Variants in SCNN1B observed in about 807,000 individuals in gnomAD.
The protein encoded by SCNN1B is sodium channel epithelial 1 subunit beta.
SCNN1B carries 46 observed loss-of-function variants against 65.3 expected under a neutral mutation model. The observed-to-expected ratio is 0.70, with a 90% CI of 0.56 to 0.90. SCNN1B has a LOEUF of 0.90. Ranked by LOEUF, SCNN1B falls within the 40% of genes least tolerant of loss-of-function variation. The probability of loss-of-function intolerance (pLI) is 0.00; values close to 1 mark genes in which losing one functional copy is unlikely to be tolerated. For synonymous variants in SCNN1B, 349 were observed against 330.6 expected (o/e 1.06, Z -0.60); for missense variants, 751 against 830.5 (o/e 0.90, Z 1.18).
intron 1 of SCNN1B, among the ~76,000 whole-genome samples, chr16:23,338,810 A>G (rs1393789650): frequency 6.6e-6 from 1 of 152,184 alleles, no homozygotes; most frequent in Non-Finnish European, 1.5e-5. Flanking sequence ...TCCACGTTTT[A>G]AAAAAATGTG....
At chr16:23,376,784 AAG>A (rs1251451268) in intron 8 of SCNN1B, among the ~76,000 whole-genome samples, 1 of 151,972 alleles carries the variant, frequency 6.6e-6, no homozygotes, top group Non-Finnish European at 1.5e-5. Context: ...AAAAAAGTAA[AAG>A]AGAGAGAGAA....
At chr16:23,340,971 C>A (rs1180362015) in intron 1 of SCNN1B, among the ~76,000 whole-genome samples, 5 of 151,862 alleles carry the variant, frequency 3.3e-5, no homozygotes, top group East Asian at 3.9e-4. Context: ...TGTTTTAGTT[C>A]TTTTGCTTTT....
chr16:23,324,619 T>C (rs1393741899), intron 1 of SCNN1B, among the ~76,000 whole-genome samples: 2 of 152,210 alleles, frequency 1.3e-5, no homozygotes, highest in African/African-American at 4.8e-5. Context: ...CTTATTTTTC[T>C]GACTCTATTC....
intron 4 of SCNN1B, among the ~76,000 whole-genome samples, chr16:23,359,720 T>A (rs1353740064): frequency 6.6e-6 from 1 of 152,182 alleles, no homozygotes; most frequent in Non-Finnish European, 1.5e-5. Context: ...CCAAACTGCC[T>A]GGACTTGAAT....
upstream of SCNN1B, among the ~76,000 whole-genome samples, chr16:23,301,546 G>A (rs981504902): frequency 1.3e-5 from 2 of 152,178 alleles, no homozygotes; most frequent in Non-Finnish European, 2.9e-5. Flanking sequence ...AGGAAACTAA[G>A]TGTTAAGGAT....
intron 1 of SCNN1B, among the ~76,000 whole-genome samples, chr16:23,310,626 A>G (rs1404139272): frequency 1.3e-5 from 2 of 152,220 alleles, no homozygotes; most frequent in Non-Finnish European, 2.9e-5. Flanking sequence ...ACAGAAAGCT[A>G]TGATTGCACC....
intron 5 of SCNN1B, among the ~76,000 whole-genome samples, chr16:23,370,816 A>G (rs547885051): frequency 2.0e-5 from 3 of 152,228 alleles, no homozygotes; most frequent in Admixed American, 6.5e-5. Flanking sequence ...ACAGCATTCC[A>G]GGTGAGAGAA....
rs1567290281 is a variant in SCNN1B at position 23,305,551 on chromosome 16, TATATATATATATATATATATATATATTA to T, written c.-9+3115_-9+3142del. Among the ~76,000 whole-genome samples, 5 of 52,820 alleles carry T rather than the reference TATATATATATATATATATATATATATTA, an allele frequency of 9.5e-5. 1 individual carries two copies. The highest frequency in any genetic ancestry group is 2.7e-4 in the African/African-American group (4 of 14,864). 34.7% of individuals were successfully genotyped at this position (52,820 alleles called of 152,430 possible). A position where few individuals can be genotyped will look rare whatever the true frequency, so the allele number is the denominator to read the frequency against. ...TATATATATTATATATATATATATA[TATATATATATATATATATATATATATTA>T]TATATATATATATATATATAACCTG... On this transcript the variant is annotated intron_variant, in intron 1 of 12. Coordinates refer to ENST00000343070, the MANE Select transcript of SCNN1B (RefSeq NM_000336.3).
intron 10 of SCNN1B, 130 bp from the exon 11 acceptor site, chr16:23,378,576 T>C (rs1338014817): frequency 3.7e-6 from 3 of 809,648 alleles, no homozygotes; most frequent in Non-Finnish European, 6.4e-6. Flanking sequence ...CTGCTCCTCA[T>C]CCAAATTGTG....
intron 1 of SCNN1B, among the ~76,000 whole-genome samples, chr16:23,331,526 G>T (rs1196561411): frequency 6.6e-6 from 1 of 151,726 alleles, no homozygotes; most frequent in African/African-American, 2.4e-5. Flanking sequence ...CGCCATGTTG[G>T]CCAGGCTGGT....
intron 1 of SCNN1B, among the ~76,000 whole-genome samples, chr16:23,279,005 A>T (rs1960745333): frequency 6.6e-6 from 1 of 151,886 alleles, no homozygotes; most frequent in Non-Finnish European, 1.5e-5. Flanking sequence ...TTAATAAAAA[A>T]AAAGGGGAGG....
chr16:23,317,650 TC>T (rs1961500669), intron 1 of SCNN1B, among the ~76,000 whole-genome samples: 1 of 152,154 alleles, frequency 6.6e-6, no homozygotes, highest in Non-Finnish European at 1.5e-5. Flanking sequence ...CCCAAAGGGT[TC>T]CCCAGAGCGG....
Position 23,282,090 on chromosome 16 carries a change from A to T in SCNN1B, n.111-1647A>T, listed in dbSNP as rs190660223. On this transcript the variant is annotated intron_variant and non_coding_transcript_variant, in intron 1 of 3. Coordinates refer to the SCNN1B transcript ENST00000569789. Reference sequence around the variant, plus strand: ...CAAAAGGTGGGAGGGTGGGAAAGGGATGAAGGATGGAACACTGCCTATTAG... The same window carrying T: ...CAAAAGGTGGGAGGGTGGGAAAGGGTTGAAGGATGGAACACTGCCTATTAG... Among the ~76,000 whole-genome samples the T allele has an allele frequency of 1.4e-3, 214 of 152,216 alleles. 1 individual carries two copies. Among genetic ancestry groups the T allele is most frequent in the African/African-American group, 5.0e-3 (206 of 41,544 alleles).
At chr16:23,304,817 C>T (rs908675422) in intron 1 of SCNN1B, among the ~76,000 whole-genome samples, 3 of 152,140 alleles carry the variant, frequency 2.0e-5, no homozygotes, top group South Asian at 2.1e-4. Context: ...AATTCCCTTC[C>T]CCTCCCTGAG....
At chr16:23,362,156 C>T (rs1476960186) in intron 4 of SCNN1B, among the ~76,000 whole-genome samples, 6 of 151,874 alleles carry the variant, frequency 4.0e-5, no homozygotes, top group Non-Finnish European at 8.8e-5. Flanking sequence ...ACCGGTCTGG[C>T]CAACATGGCA....
intron 1 of SCNN1B, among the ~76,000 whole-genome samples, chr16:23,310,504 G>T (rs149277511): frequency 6.6e-6 from 1 of 152,294 alleles, no homozygotes; most frequent in East Asian, 1.9e-4. Context: ...GGGCAATATA[G>T]TGAGACCCCA....
chr16:23,331,428 G>A (rs1318864076), intron 1 of SCNN1B, among the ~76,000 whole-genome samples: 6 of 151,480 alleles, frequency 4.0e-5, no homozygotes, highest in Non-Finnish European at 8.8e-5. Flanking sequence ...GGGTTCAAGT[G>A]ATTCTCCTGC....
At chr16:23,362,343 AT>A (rs1310546632) in intron 4 of SCNN1B, among the ~76,000 whole-genome samples, 9 of 151,028 alleles carry the variant, frequency 6.0e-5, no homozygotes, top group African/African-American at 2.2e-4. Context: ...AAAAAAAAAA[AT>A]AAAGTTAAAT....
At position 23,380,845 on chromosome 16, in the gene SCNN1B, C is replaced by T; in HGVS notation, c.*44C>T. ...CGGGCGGCTGAAACTCACTGAGCAG[C>T]CAAGACTGTTGCCCGAGGCCTCACT... On this transcript the variant is annotated 3_prime_UTR_variant, in exon 13 of 13. Transcript: ENST00000343070. This position sits in a 1 kb window ranked among gnomAD's most constrained non-coding sequence, Gnocchi z 5.4. 1 of 1,608,056 alleles carries T rather than the reference C, an allele frequency of 6.2e-7. No individual in the cohort carries two copies. Among genetic ancestry groups the T allele is most frequent in the Non-Finnish European group, 8.5e-7 (1 of 1,177,106 alleles).
Sources: gnomAD v4.1 joint callset for allele counts (sites outside exome capture counted in the v4.1 genomes callset) on GRCh38, gnomAD v4.1.1 for gene constraint, Gnocchi (gnomAD v3.1) non-coding constraint, MANE v1.5 for transcripts, NCBI Gene and HGNC (gene_info 2026-07-23, HGNC 2026-07-21) for gene names.